Variants in TENT4B observed in about 807,000 individuals in gnomAD.
The protein encoded by TENT4B is PAP associated domain containing 5.
TENT4B carries 10 observed loss-of-function variants against 75.0 expected under a neutral mutation model. The ratio of observed to expected loss-of-function variants is 0.13; its 90% CI spans 0.08 to 0.23. The LOEUF is 0.23. Ranked by LOEUF, TENT4B falls within the 10% of genes least tolerant of loss-of-function variation. The probability of loss-of-function intolerance (pLI) is 1.00; values close to 1 mark genes in which losing one functional copy is unlikely to be tolerated. For missense variants in TENT4B, 579 were observed against 893.8 expected (o/e 0.65, Z 4.49); for synonymous variants, 350 against 357.7 (o/e 0.98, Z 0.24).
chr16:50,190,834 A>T (rs577591977), intron 1 of TENT4B, among the ~76,000 whole-genome samples: 1 of 151,780 alleles, frequency 6.6e-6, no homozygotes, highest in East Asian at 1.9e-4. Flanking sequence ...TCCATTTGAA[A>T]CTCTGTATAC....
chr16:50,184,440 G>A (rs1214540176), intron 1 of TENT4B, among the ~76,000 whole-genome samples: 8 of 152,046 alleles, frequency 5.3e-5, no homozygotes, highest in Non-Finnish European at 1.0e-4. Flanking sequence ...AGGCTGAGGC[G>A]GGTGGATACG....
At chr16:50,170,428 C>T (rs2038183933) in intron 1 of TENT4B, among the ~76,000 whole-genome samples, 1 of 152,116 alleles carries the variant, frequency 6.6e-6, no homozygotes, top group Non-Finnish European at 1.5e-5. Context: ...TGAATTTGTC[C>T]AGTGATTCCC....
At chr16:50,176,715 C>CA (rs1307270441) in intron 1 of TENT4B, among the ~76,000 whole-genome samples, 2 of 151,784 alleles carry the variant, frequency 1.3e-5, no homozygotes, top group African/African-American at 4.8e-5. Flanking sequence ...CCATATTGGC[C>CA]AGGCTGGTCT....
rs1316741373 is a variant in TENT4B, at chr16:50,154,230, A to G, written c.609A>G (p.Lys203=). 4 of 1,462,232 alleles carry G rather than the reference A, an allele frequency of 2.7e-6. No homozygotes were observed. The African/African-American group carries it at 5.8e-5, about 21-fold the overall frequency. The allele number at this position is 1,462,232 out of a possible 1,614,324, so 90.6% of individuals were successfully genotyped here. The change falls in exon 1 of 12, where the codon AAA becomes AAG. Residue 203 remains lysine (K), a synonymous_variant. Coordinates refer to ENST00000561678, the MANE Select transcript of TENT4B (RefSeq NM_001365324.3). ...TCGTGTACAGCGGGACCCCGTGGAA[A>G]CGGAGGAACTACAACCAGGGAGTCG... The part of the protein sequence containing the change: ...GGVVYSGTPW[K]RRNYNQGVVG...
At chr16:50,188,159 A>G (rs2038570269) in intron 1 of TENT4B, among the ~76,000 whole-genome samples, 1 of 152,200 alleles carries the variant, frequency 6.6e-6, no homozygotes, top group South Asian at 2.1e-4. Context: ...TATGGAGCCG[A>G]TGATGTTTAT....
chr16:50,160,295 CT>C (rs201840122), intron 1 of TENT4B, among the ~76,000 whole-genome samples: 56 of 151,864 alleles, frequency 3.7e-4, no homozygotes, highest in East Asian at 7.7e-4. Flanking sequence ...AGTGTTTGGA[CT>C]TTTTTTTTCC....
rs745744683 is a variant in TENT4B at position 50,224,793 on chromosome 16, C to A, written c.1508+10C>A. 1 of 1,613,610 alleles carries A rather than the reference C, an allele frequency of 6.2e-7. No individual in the cohort carries two copies. The highest frequency in any genetic ancestry group is 8.5e-7 in the Non-Finnish European group (1 of 1,179,700). ...ACAATGAAACAGAAAGGTAAAAGTTCATCTATAACCAGCCCATTGTGTCAA... is the reference window on the plus strand; with the variant it reads ...ACAATGAAACAGAAAGGTAAAAGTTAATCTATAACCAGCCCATTGTGTCAA... On this transcript the variant is annotated intron_variant, in intron 8 of 11. Transcript: ENST00000561678.
At position 50,232,041 on chromosome 16, in the gene TENT4B, C is replaced by G. The variant is rs753303873; in HGVS notation, c.*2713C>G. ...ATTCTCCCTCACTCTGGTGACATTTCTCAGGCAGTCATGTATGTGTACCTG... is the reference window on the plus strand; with the variant it reads ...ATTCTCCCTCACTCTGGTGACATTTGTCAGGCAGTCATGTATGTGTACCTG... On this transcript the variant is annotated 3_prime_UTR_variant, in exon 12 of 12. Coordinates refer to ENST00000561678, the MANE Select transcript of TENT4B (RefSeq NM_001365324.3). 1.4e-5 allele frequency: 14 copies of G among 985,320 alleles called. No individual in the cohort carries two copies. Among genetic ancestry groups the G allele is most frequent in the Non-Finnish European group, 1.6e-5 (13 of 829,864 alleles). The allele number at this position is 985,320 out of a possible 1,614,324, so 61.0% of individuals were successfully genotyped here.
At chr16:50,163,885 C>T (rs939819501) in intron 1 of TENT4B, among the ~76,000 whole-genome samples, 8 of 151,446 alleles carry the variant, frequency 5.3e-5, no homozygotes, top group African/African-American at 1.5e-4. Context: ...TCGCCGGGTG[C>T]GATGGCTCAC....
upstream of TENT4B, among the ~76,000 whole-genome samples, chr16:50,153,292 CGCCGCCGCT>C: frequency 6.8e-6 from 1 of 146,252 alleles, no homozygotes; most frequent in East Asian, 2.0e-4. Context: ...CCGCTGCCGC[CGCCGCCGCT>C]CGCTCTTCTG....
intron 1 of TENT4B, among the ~76,000 whole-genome samples, chr16:50,163,333 G>A (rs1435738831): frequency 6.6e-6 from 1 of 151,852 alleles, no homozygotes; most frequent in Non-Finnish European, 1.5e-5. Context: ...TGTTTGTTTG[G>A]GGTGTTTATA....
intron 3 of TENT4B, among the ~76,000 whole-genome samples, chr16:50,215,599 C>A (rs2031511769): frequency 6.6e-6 from 1 of 152,310 alleles, no homozygotes; most frequent in Middle Eastern, 3.4e-3. Flanking sequence ...TTACCAGTTT[C>A]TCACATATCC....
At chr16:50,195,867 A>T (rs913864353) in intron 1 of TENT4B, among the ~76,000 whole-genome samples, 2 of 152,190 alleles carry the variant, frequency 1.3e-5, no homozygotes, top group Non-Finnish European at 2.9e-5. Flanking sequence ...TGTATTCAGG[A>T]ATAAAGATAA....
In TENT4B at chr16:50,232,288, T is replaced by TA; in HGVS notation, c.*2961dup. The TA allele has an allele frequency of 1.0e-6, 1 of 985,460 alleles. No homozygotes were observed. The allele number at this position is 985,460 out of a possible 1,614,324, so 61.0% of individuals were successfully genotyped here. A position where few individuals can be genotyped will look rare whatever the true frequency, so the allele number is the denominator to read the frequency against. ...AAATCTAGCTTGGATCTGTAGGACCTATGTTTTTTACAAGTAATTGCCCTC... is the reference window on the plus strand; with the variant it reads ...AAATCTAGCTTGGATCTGTAGGACCTAATGTTTTTTACAAGTAATTGCCCTC... On this transcript the variant is annotated 3_prime_UTR_variant, in exon 12 of 12. Coordinates refer to ENST00000561678, the MANE Select transcript of TENT4B (RefSeq NM_001365324.3).
Position 50,233,701 on chromosome 16 carries a change from T to G in TENT4B, c.*4373T>G, listed in dbSNP as rs887759415. ...AGGTTTTTGGTTTTTTTAAAAAAAATGTGTTTGGCCTTTACATTTTCTACT... is the reference window on the plus strand; with the variant it reads ...AGGTTTTTGGTTTTTTTAAAAAAAAGGTGTTTGGCCTTTACATTTTCTACT... On this transcript the variant is annotated 3_prime_UTR_variant, in exon 12 of 12. Transcript: ENST00000561678. The G allele has an allele frequency of 4.5e-4, 436 of 971,672 alleles. 1 individual carries two copies. The highest frequency in any genetic ancestry group is 3.0e-3 in the Admixed American group (48 of 16,126). The allele number at this position is 971,672 out of a possible 1,614,324, so 60.2% of individuals were successfully genotyped here. A position where few individuals can be genotyped will look rare whatever the true frequency, so the allele number is the denominator to read the frequency against.
intron 1 of TENT4B, among the ~76,000 whole-genome samples, chr16:50,186,414 C>T (rs1015752318): frequency 6.6e-6 from 1 of 152,078 alleles, no homozygotes; most frequent in African/African-American, 2.4e-5. Flanking sequence ...TAGCTTGTAT[C>T]ACTTTAATGT....
chr16:50,232,885 A>G lies in TENT4B; in HGVS notation c.*3557A>G, dbSNP rs773403334. The stretch of plus-strand genomic sequence containing the variant: ...TCTGTCACTAACCAAGAATGTTTCT[A>G]GGCAGTTGGTTGCTTCACAGTCAAA... On this transcript the variant is annotated 3_prime_UTR_variant, in exon 12 of 12. Coordinates refer to ENST00000561678, the MANE Select transcript of TENT4B (RefSeq NM_001365324.3). 1.0e-6 allele frequency: 1 copy of G among 985,244 alleles called. No individual in the cohort carries two copies. The highest frequency in any genetic ancestry group is 1.1e-4 in the East Asian group (1 of 8,830). 61.0% of individuals were successfully genotyped at this position (985,244 alleles called of 1,614,324 possible).
At position 50,225,092 on chromosome 16, in the gene TENT4B, T is replaced by C. The variant is rs753778668; in HGVS notation, c.1613-6T>C. Reference sequence around the variant, plus strand: ...AACGTTTTCCAATCTTTTGCCACTCTTTCAGGAAATGGTGTTACCTTGATA... The same window carrying C: ...AACGTTTTCCAATCTTTTGCCACTCCTTCAGGAAATGGTGTTACCTTGATA... On this transcript the variant is annotated splice_region_variant and splice_polypyrimidine_tract_variant and intron_variant, in intron 9 of 11. Coordinates refer to ENST00000561678, the MANE Select transcript of TENT4B (RefSeq NM_001365324.3). The C allele has an allele frequency of 6.2e-7, 1 of 1,610,002 alleles. No homozygotes were observed. The highest frequency in any genetic ancestry group is 1.1e-5 in the South Asian group (1 of 90,872).
At chr16:50,190,574 A>G (rs1383160574) in intron 1 of TENT4B, among the ~76,000 whole-genome samples, 1 of 151,934 alleles carries the variant, frequency 6.6e-6, no homozygotes, top group Non-Finnish European at 1.5e-5. Flanking sequence ...CTAGCATAGT[A>G]TTTTCAAGGT....
Sources: gnomAD v4.1 joint callset for allele counts (sites outside exome capture counted in the v4.1 genomes callset) on GRCh38, gnomAD v4.1.1 for gene constraint, MANE v1.5 for transcripts, NCBI Gene and HGNC (gene_info 2026-07-23, HGNC 2026-07-21) for gene names.